Variants in KIRREL3 observed in about 807,000 individuals in gnomAD.
KIRREL3 encodes kirre like nephrin family adhesion molecule 3.
Under a neutral mutation model 89.7 loss-of-function variants are expected in KIRREL3, and 36 were observed. That is an observed-to-expected ratio of 0.40 (90% CI 0.31 to 0.53). KIRREL3 has a LOEUF of 0.53. KIRREL3 is among the 20% of genes least tolerant of loss of function. The pLI is 0.49. For synonymous variants in KIRREL3, 445 were observed against 441.4 expected (o/e 1.01, Z -0.10); for missense variants, 864 against 1,056.6 (o/e 0.82, Z 2.53).
At chr11:126,790,151 T>C (rs1226510291) in intron 1 of KIRREL3, among the ~76,000 whole-genome samples, 1 of 152,254 alleles carries the variant, frequency 6.6e-6, no homozygotes, top group Non-Finnish European at 1.5e-5. Context: ...GGAGTGGTCC[T>C]CCCATGACCT....
At chr11:126,889,742 CA>C (rs1476635384) in intron 1 of KIRREL3, among the ~76,000 whole-genome samples, 2 of 152,112 alleles carry the variant, frequency 1.3e-5, no homozygotes, top group Non-Finnish European at 2.9e-5. Flanking sequence ...AAGGCATAAA[CA>C]ATAGAGAACT....
chr11:126,424,922 G>A lies in KIRREL3; in HGVS notation c.1995C>T (p.Gly665=), dbSNP rs948052. 1,020,741 of 1,604,440 alleles carry A rather than the reference G, an allele frequency of 0.64. 327,436 individuals are homozygous for A. The highest frequency in any genetic ancestry group is 0.89 in the East Asian group (39,755 of 44,638). The change falls in exon 17 of 17, where the codon GGC becomes GGT. Residue 665 remains glycine, a synonymous_variant. Coordinates refer to ENST00000525144, the MANE Select transcript of KIRREL3 (RefSeq NM_032531.4). Reference sequence around the variant, plus strand: ...ACATGCCTGTGGGCACACGCTGCTTGCCCGCAGGACGCAGGTCGGGCTGGC... The same window carrying A: ...ACATGCCTGTGGGCACACGCTGCTTACCCGCAGGACGCAGGTCGGGCTGGC... ...SSCQPDLRPA[G]KQRVPTGMSF...
chr11:126,583,550 C>T (rs148707614), intron 1 of KIRREL3, among the ~76,000 whole-genome samples: 137 of 152,236 alleles, frequency 9.0e-4, no homozygotes, highest in African/African-American at 3.0e-3. Context: ...ATGAGGAGGA[C>T]GGGATGCGCT....
rs745805898 is a variant in KIRREL3, at chr11:126,456,039, G to GTTTTTTTTTT, written c.848+300_848+309dup. Among the ~76,000 whole-genome samples the GTTTTTTTTTT allele has an allele frequency of 9.4e-3, 642 of 68,284 alleles. 65 individuals are homozygous for GTTTTTTTTTT. Among genetic ancestry groups the GTTTTTTTTTT allele is most frequent in the African/African-American group, 0.037 (604 of 16,328 alleles). 44.8% of individuals were successfully genotyped at this position (68,284 alleles called of 152,430 possible). On this transcript the variant is annotated intron_variant, in intron 7 of 16. Coordinates refer to ENST00000525144, the MANE Select transcript of KIRREL3 (RefSeq NM_032531.4). ...GTTGTTCTGGTTTTTTTTTGTTTTC[G>GTTTTTTTTTT]TTTTTTTTTTTTTTTTTTCCTGAGC...
At chr11:126,799,396 GTGCATC>G (rs1950945502) in intron 1 of KIRREL3, among the ~76,000 whole-genome samples, 1 of 3,628 alleles carries the variant, frequency 2.8e-4, no homozygotes. Context: ...GTATCTGTGT[GTGCATC>G]TATCTGTGTG....
Position 126,484,246 on chromosome 11 carries a change from C to T in KIRREL3, c.434-10780G>A, listed in dbSNP as rs991435981. On this transcript the variant is annotated intron_variant, in intron 4 of 16. Transcript: ENST00000525144. This position sits in a 1 kb window ranked among gnomAD's most constrained non-coding sequence, Gnocchi z 5.2. ...TTGACTTGTGGACCTGTTTCAGGTT[C>T]CCTACAGTTGCAGGGTAGGAGTCCT... Among the ~76,000 whole-genome samples, 35 of 152,270 alleles carry T rather than the reference C, an allele frequency of 2.3e-4. No homozygotes were observed. Among genetic ancestry groups the T allele is most frequent in the Admixed American group, 4.6e-4 (7 of 15,294 alleles).
chr11:126,678,108 CAAG>C (rs1282211679), intron 1 of KIRREL3, among the ~76,000 whole-genome samples: 2 of 152,312 alleles, frequency 1.3e-5, no homozygotes, highest in African/African-American at 4.8e-5. Context: ...GGAAACCACA[CAAG>C]ATAGATGGCA....
In KIRREL3 at chr11:126,631,170, T is replaced by C. The variant is rs547064319; in HGVS notation, c.56-68258A>G. 1.4e-3 allele frequency among the ~76,000 whole-genome samples: 207 copies of C among 152,140 alleles called. 5 individuals are homozygous for C. In the South Asian group the frequency reaches 0.037, roughly 27 times the overall value. Reference sequence around the variant, plus strand: ...ATTCATTCATTCATTCATTCTGCTATGTATTCAGCAACCTCTAGGTGCCAC... The same window carrying C: ...ATTCATTCATTCATTCATTCTGCTACGTATTCAGCAACCTCTAGGTGCCAC... On this transcript the variant is annotated intron_variant, in intron 1 of 16. Coordinates refer to ENST00000525144, the MANE Select transcript of KIRREL3 (RefSeq NM_032531.4).
In KIRREL3 at chr11:126,719,922, C is replaced by G. The variant is rs952433078; in HGVS notation, c.56-157010G>C. On this transcript the variant is annotated intron_variant, in intron 1 of 16. Coordinates refer to ENST00000525144, the MANE Select transcript of KIRREL3 (RefSeq NM_032531.4). The surrounding 1 kb of genome is among the most constrained non-coding windows in gnomAD (Gnocchi z 4.7). ...TGTAGCAATGTCAGTTGGATCTGAT[C>G]GCTCCTCTGTCCAAACTTCTGATGG... Among the ~76,000 whole-genome samples, 1 of 152,150 alleles carries G rather than the reference C, an allele frequency of 6.6e-6. No homozygotes were observed. Among genetic ancestry groups the G allele is most frequent in the Non-Finnish European group, 1.5e-5 (1 of 68,022 alleles).
chr11:126,428,934 A>G lies in KIRREL3; in HGVS notation c.1806+245T>C, dbSNP rs1806133307. The stretch of plus-strand genomic sequence containing the variant: ...AGTGTTGGGATTGCAAGCGTGAGCC[A>G]CTGCACCTGGCCTGGACTGCATCTT... On this transcript the variant is annotated intron_variant, in intron 15 of 16. Coordinates refer to ENST00000525144, the MANE Select transcript of KIRREL3 (RefSeq NM_032531.4). This position sits in a 1 kb window ranked among gnomAD's most constrained non-coding sequence, Gnocchi z 6.4. 6.6e-6 allele frequency among the ~76,000 whole-genome samples: 1 copy of G among 152,228 alleles called. No homozygotes were observed. The highest frequency in any genetic ancestry group is 2.4e-5 in the African/African-American group (1 of 41,454).
At chr11:126,949,888 C>T (rs1018651928) in intron 1 of KIRREL3, among the ~76,000 whole-genome samples, 1 of 152,224 alleles carries the variant, frequency 6.6e-6, no homozygotes, top group Non-Finnish European at 1.5e-5. Flanking sequence ...GCCAAGCTCA[C>T]ATCGAGTTCT....
At position 126,976,867 on chromosome 11, in the gene KIRREL3, G is replaced by T. The variant is rs1398281499; in HGVS notation, c.55+23588C>A. Reference sequence around the variant, plus strand: ...GCTAGGCACTTAATCCTTGATCTGGGTGACTCTAAACCACCAACTTGTATG... The same window carrying T: ...GCTAGGCACTTAATCCTTGATCTGGTTGACTCTAAACCACCAACTTGTATG... On this transcript the variant is annotated intron_variant, in intron 1 of 16. Coordinates refer to ENST00000525144, the MANE Select transcript of KIRREL3 (RefSeq NM_032531.4). The surrounding 1 kb of genome is among the most constrained non-coding windows in gnomAD (Gnocchi z 4.2). 6.6e-6 allele frequency among the ~76,000 whole-genome samples: 1 copy of T among 151,984 alleles called. No individual in the cohort carries two copies. The highest frequency in any genetic ancestry group is 1.9e-4 in the East Asian group (1 of 5,180).
At chr11:126,456,039 G>GTTTTTT (rs745805898) in intron 7 of KIRREL3, among the ~76,000 whole-genome samples, 5 of 68,312 alleles carry the variant, frequency 7.3e-5, no homozygotes, top group East Asian at 8.2e-4. Flanking sequence ...TTTTGTTTTC[G>GTTTTTT]TTTTTTTTTT....
intron 1 of KIRREL3, among the ~76,000 whole-genome samples, chr11:126,925,408 A>G (rs1947670637): frequency 6.6e-6 from 1 of 152,200 alleles, no homozygotes; most frequent in African/African-American, 2.4e-5. Context: ...GGAAAGCTTC[A>G]TGGCTGTCCT....
At position 126,870,669 on chromosome 11, in the gene KIRREL3, T is replaced by C. The variant is rs1945077894; in HGVS notation, c.55+129786A>G. Among the ~76,000 whole-genome samples the C allele has an allele frequency of 6.6e-6, 1 of 152,156 alleles. No homozygotes were observed. Among genetic ancestry groups the C allele is most frequent in the African/African-American group, 2.4e-5 (1 of 41,440 alleles). On this transcript the variant is annotated intron_variant, in intron 1 of 16. Transcript: ENST00000525144. The surrounding 1 kb of genome is among the most constrained non-coding windows in gnomAD (Gnocchi z 4.4). Reference sequence around the variant, plus strand: ...TCCAATTCCACTCATGGCCGCCATCTATTTGCACAGCTCATCTGGGAAGGC... The same window carrying C: ...TCCAATTCCACTCATGGCCGCCATCCATTTGCACAGCTCATCTGGGAAGGC...
chr11:126,902,405 G>T (rs529416166), intron 1 of KIRREL3, among the ~76,000 whole-genome samples: 1 of 152,128 alleles, frequency 6.6e-6, no homozygotes, highest in African/African-American at 2.4e-5. Context: ...TGAAATATGT[G>T]CATGCACACA....
chr11:126,863,396 TGAGTGC>T (rs1333308098), intron 1 of KIRREL3, among the ~76,000 whole-genome samples: 6 of 116,966 alleles, frequency 5.1e-5, no homozygotes, highest in Admixed American at 1.7e-4. Flanking sequence ...AGTGCGTGTG[TGAGTGC>T]GTGAGTGCGT....
chr11:126,728,285 C>A (rs758603143), intron 1 of KIRREL3, among the ~76,000 whole-genome samples: 1 of 152,162 alleles, frequency 6.6e-6, no homozygotes, highest in Non-Finnish European at 1.5e-5. Flanking sequence ...TTCCCATCTG[C>A]AGACCAGGGA....
rs922054289 is a variant in KIRREL3, at chr11:126,571,400, T to C, written c.56-8488A>G. The stretch of plus-strand genomic sequence containing the variant: ...ACACTGAAAGTGGGACACTGGTTAC[T>C]ATCTTTGGGGGCTGGGTGCAGCCCA... On this transcript the variant is annotated intron_variant, in intron 1 of 16. Coordinates refer to ENST00000525144, the MANE Select transcript of KIRREL3 (RefSeq NM_032531.4). This position sits in a 1 kb window ranked among gnomAD's most constrained non-coding sequence, Gnocchi z 7.7. Among the ~76,000 whole-genome samples the C allele has an allele frequency of 3.0e-4, 46 of 152,294 alleles. No individual in the cohort carries two copies. Among genetic ancestry groups the C allele is most frequent in the African/African-American group, 1.1e-3 (44 of 41,568 alleles).
Sources: gnomAD v4.1 joint callset for allele counts (sites outside exome capture counted in the v4.1 genomes callset) on GRCh38, gnomAD v4.1.1 for gene constraint, Gnocchi (gnomAD v3.1) non-coding constraint, MANE v1.5 for transcripts, NCBI Gene and HGNC (gene_info 2026-07-23, HGNC 2026-07-21) for gene names.